The following SEPTIN12 variants were observed in gnomAD, a reference collection of about 807,000 sequenced individuals.
The protein encoded by SEPTIN12 is septin 12, also known as septin-12.
Under a neutral mutation model 37.7 loss-of-function variants are expected in SEPTIN12, and 42 were observed. That is an observed-to-expected ratio of 1.11 (90% CI 0.87 to 1.44). The LOEUF (loss-of-function observed/expected upper bound fraction) is 1.44. Among genes scored for constraint, SEPTIN12 ranks in the 40% most tolerant of loss-of-function variants. The pLI, the probability that SEPTIN12 is intolerant of heterozygous loss-of-function variation, is 0.00. For synonymous variants in SEPTIN12, 254 were observed against 196.7 expected (o/e 1.29, Z -2.44); for missense variants, 613 against 479.2 (o/e 1.28, Z -2.61).
At chr16:4,787,135 C>T (rs151315020) in intron 2 of SEPTIN12, among the ~76,000 whole-genome samples, 1 of 152,104 alleles carries the variant, frequency 6.6e-6, no homozygotes, top group African/African-American at 2.4e-5. Context: ...CTTGGCCTTT[C>T]AAAGTGCTGG....
upstream of SEPTIN12, among the ~76,000 whole-genome samples, chr16:4,789,538 G>A (rs926407063): frequency 6.6e-6 from 1 of 152,086 alleles, no homozygotes; most frequent in Non-Finnish European, 1.5e-5. Context: ...GTGTTAGCCA[G>A]GATGGTCTCG....
intron 8 of SEPTIN12, among the ~76,000 whole-genome samples, chr16:4,779,460 C>T (rs904516751): frequency 1.3e-5 from 2 of 152,156 alleles, no homozygotes; most frequent in African/African-American, 4.8e-5. Context: ...GCTCCAACAC[C>T]CTAGGAAGTT....
At position 4,777,758 on chromosome 16, in the gene SEPTIN12, G is replaced by C. The variant is rs752333477; in HGVS notation, c.*39C>G. The C allele has an allele frequency of 1.5e-5, 21 of 1,400,962 alleles. No individual in the cohort carries two copies. The African/African-American group carries it at 2.9e-4, about 19-fold the overall frequency. The allele number at this position is 1,400,962 out of a possible 1,614,324, so 86.8% of individuals were successfully genotyped here. A position where few individuals can be genotyped will look rare whatever the true frequency, so the allele number is the denominator to read the frequency against. On this transcript the variant is annotated 3_prime_UTR_variant, in exon 10 of 10. Transcript: ENST00000268231. ...ATAGGTGTGTGTTGAGAGCCGCTGG[G>C]GACTCAGGAAGCCCAGCAGCCCCGG...
intron 4 of SEPTIN12, among the ~76,000 whole-genome samples, chr16:4,784,589 G>GGGAAACACCAACTCTACAAAAAATACAC: frequency 6.7e-6 from 1 of 149,556 alleles, no homozygotes; most frequent in South Asian, 2.2e-4. Flanking sequence ...GGGCAACATG[G>GGGAAACACCAACTCTACAAAAAATACAC]GGAAACGCCA....
intron 7 of SEPTIN12, 82 bp from the exon 8 acceptor site, chr16:4,779,868 GA>G: frequency 1.1e-6 from 1 of 878,922 alleles, no homozygotes; most frequent in South Asian, 1.3e-5. Context: ...CCAGGCAGGA[GA>G]GGGGAGTCCT....
Position 4,777,794 on chromosome 16 carries a change from T to A in SEPTIN12, c.*3A>T. ...GCCCAGCAGCCCCGGGATCCGCCGG[T>A]GGTCAGAACTCATCATCAGAATCGT... On this transcript the variant is annotated 3_prime_UTR_variant, in exon 10 of 10. Coordinates refer to ENST00000268231, the MANE Select transcript of SEPTIN12 (RefSeq NM_144605.5). 1 of 1,517,788 alleles carries A rather than the reference T, an allele frequency of 6.6e-7. No homozygotes were observed. The highest frequency in any genetic ancestry group is 8.8e-7 in the Non-Finnish European group (1 of 1,131,746). 94.0% of individuals were successfully genotyped at this position (1,517,788 alleles called of 1,614,324 possible).
At chr16:4,778,384 A>T (rs1596249113) in intron 8 of SEPTIN12, among the ~76,000 whole-genome samples, 1 of 152,280 alleles carries the variant, frequency 6.6e-6, no homozygotes, top group South Asian at 2.1e-4. Context: ...TTATATGTAC[A>T]CTCGGCCTCT....
chr16:4,779,907 A>G, intron 7 of SEPTIN12, 121 bp from the exon 8 acceptor site: 1 of 704,372 alleles, frequency 1.4e-6, no homozygotes, highest in South Asian at 1.5e-5. Flanking sequence ...AACATGGTAG[A>G]AAGTGCACAG....
rs529628648 is a variant in SEPTIN12, at chr16:4,783,211, A to G, written c.726+251T>C. 49 of 502,408 alleles carry G rather than the reference A, an allele frequency of 9.8e-5. 1 individual carries two copies. The highest frequency in any genetic ancestry group is 7.3e-4 in the African/African-American group (38 of 51,848). The allele number at this position is 502,408 out of a possible 1,614,324, so 31.1% of individuals were successfully genotyped here. A position where few individuals can be genotyped will look rare whatever the true frequency, so the allele number is the denominator to read the frequency against. On this transcript the variant is annotated intron_variant, in intron 7 of 9. Coordinates refer to ENST00000268231, the MANE Select transcript of SEPTIN12 (RefSeq NM_144605.5). Reference sequence around the variant, plus strand: ...GGCGTGAGCCACTGTGCCCGGCCCAATGTTCTCTATATATTCAGGATACAA... The same window carrying G: ...GGCGTGAGCCACTGTGCCCGGCCCAGTGTTCTCTATATATTCAGGATACAA...
At position 4,784,382 on chromosome 16, in the gene SEPTIN12, G is replaced by A. The variant is rs1416870646; in HGVS notation, c.375-314C>T. On this transcript the variant is annotated intron_variant, in intron 4 of 9. Transcript: ENST00000268231. Reference sequence around the variant, plus strand: ...TGGGCCCAAACCACCAAGGAATCGCGCCTGATGGTTGCAGGGGTCTCCCTC... The same window carrying A: ...TGGGCCCAAACCACCAAGGAATCGCACCTGATGGTTGCAGGGGTCTCCCTC... 16 of 346,234 alleles carry A rather than the reference G, an allele frequency of 4.6e-5. No individual in the cohort carries two copies. The Admixed American group carries it at 6.1e-4, about 13-fold the overall frequency. The allele number at this position is 346,234 out of a possible 1,614,324, so 21.4% of individuals were successfully genotyped here.
intron 5 of SEPTIN12, 73 bp from the exon 6 acceptor site, chr16:4,783,839 G>A (rs1013283503): frequency 3.8e-6 from 6 of 1,597,696 alleles, no homozygotes; most frequent in African/African-American, 2.7e-5. Flanking sequence ...GGGCACGGGG[G>A]TGGGGGCAGC....
rs551576802 is a variant in SEPTIN12 at position 4,782,802 on chromosome 16, G to A, written c.726+660C>T. ...GTATTTTTAGTAGAGACGGGGTTTC[G>A]TCATGTTGGCCAGGCTGGTCTCGAA... is the stretch of plus-strand genomic sequence containing the variant. On this transcript the variant is annotated intron_variant, in intron 7 of 9. Transcript: ENST00000268231. Among the ~76,000 whole-genome samples the A allele has an allele frequency of 5.3e-5, 8 of 151,314 alleles. No homozygotes were observed. In the East Asian group the frequency reaches 1.2e-3, roughly 22 times the overall value.
rs1422559576 is a variant in SEPTIN12, at chr16:4,786,150, G to A, written c.167-45C>T. Reference sequence around the variant, plus strand: ...GACAGCAGTTAGGGTGGGCGTTTTAGGCAGTTTTTCTCTAACTCTTTACTT... The same window carrying A: ...GACAGCAGTTAGGGTGGGCGTTTTAAGCAGTTTTTCTCTAACTCTTTACTT... On this transcript the variant is annotated intron_variant, in intron 2 of 9. Coordinates refer to ENST00000268231, the MANE Select transcript of SEPTIN12 (RefSeq NM_144605.5). The A allele has an allele frequency of 2.0e-6, 3 of 1,503,708 alleles. No homozygotes were observed. In the South Asian group the frequency reaches 3.7e-5, roughly 19 times the overall value. 93.1% of individuals were successfully genotyped at this position (1,503,708 alleles called of 1,614,324 possible).
At chr16:4,779,631 G>C in intron 8 of SEPTIN12, 59 bp downstream of exon 8, 1 of 1,058,492 alleles carries the variant, frequency 9.4e-7, no homozygotes, top group Non-Finnish European at 1.5e-6. Flanking sequence ...GGTTGCCCAA[G>C]GCTGCTCTGG....
chr16:4,787,445 G>A (rs2141882241), intron 2 of SEPTIN12, 35 bp downstream of exon 2: 1 of 1,602,790 alleles, frequency 6.2e-7, no homozygotes, highest in Middle Eastern at 1.7e-4. Flanking sequence ...TAGCACTGTG[G>A]GTCTGTCCTG....
intron 7 of SEPTIN12, among the ~76,000 whole-genome samples, chr16:4,782,373 C>T (rs900682799): frequency 7.9e-5 from 12 of 152,184 alleles, no homozygotes; most frequent in African/African-American, 2.9e-4. Flanking sequence ...GGGTTGCTTC[C>T]ACTTTCGGGG....
At chr16:4,787,338 A>T (rs538730845) in intron 2 of SEPTIN12, 142 bp downstream of exon 2, 2 of 786,136 alleles carry the variant, frequency 2.5e-6, no homozygotes, top group African/African-American at 1.7e-5. Context: ...CAAATTTTCA[A>T]TGACAACATC....
Position 4,778,150 on chromosome 16 carries a change from G to T in SEPTIN12, c.824-13C>A, listed in dbSNP as rs895480580. The T allele has an allele frequency of 2.5e-6, 4 of 1,613,992 alleles. No homozygotes were observed. The highest frequency in any genetic ancestry group is 2.2e-5 in the East Asian group (1 of 44,890). ...GCCATGTTCTCCACTGCAAGACATG[G>T]GACTCAGTATGGGCGCTGCTTAGTG... is the stretch of plus-strand genomic sequence containing the variant. On this transcript the variant is annotated splice_polypyrimidine_tract_variant and intron_variant, in intron 8 of 9. Transcript: ENST00000268231.
At chr16:4,785,589 C>A (rs2082428221) in intron 4 of SEPTIN12, 1 of 517,354 alleles carries the variant, frequency 1.9e-6, no homozygotes, top group African/African-American at 1.9e-5. Flanking sequence ...GCCTGGCCAA[C>A]ATGGTGAAAC....
Sources: allele counts gnomAD v4.1 joint callset (sites outside exome capture counted in the v4.1 genomes callset), GRCh38; gene constraint gnomAD v4.1.1; transcripts MANE v1.5; gene names NCBI Gene and HGNC (gene_info 2026-07-23, HGNC 2026-07-21).